The following SP140L variants were observed in gnomAD, a reference collection of about 807,000 sequenced individuals.
The protein encoded by SP140L is SP140 like nuclear body protein.
SP140L carries 64 observed loss-of-function variants against 84.3 expected under a neutral mutation model. The ratio of observed to expected loss-of-function variants is 0.76; its 90% confidence interval spans 0.62 to 0.94. The LOEUF is 0.94. SP140L is among the 40% of genes least tolerant of loss of function. The pLI, the probability that SP140L is intolerant of heterozygous loss-of-function variation, is 0.00. For synonymous variants in SP140L, 242 were observed against 236.9 expected, an observed-to-expected ratio of 1.02 and a Z score of -0.20; for missense variants, 628 against 692.5, an observed-to-expected ratio of 0.91 and a Z score of 1.05.
Position 230,363,240 on chromosome 2 carries a change from C to T in SP140L, c.523+1543C>T, listed in dbSNP as rs147038047. On this transcript the variant is annotated intron_variant, in intron 5 of 18. Coordinates refer to ENST00000415673, the MANE Select transcript of SP140L (RefSeq NM_138402.6). ...ATTTTTACTTTTTTTGAGGAAACTC[C>T]GTACTGTTTTCCATAATGGCTGTAC... Among the ~76,000 whole-genome samples the T allele has an allele frequency of 2.6e-4, 40 of 152,268 alleles. No individual in the cohort carries two copies. In the South Asian group the frequency reaches 4.1e-3, roughly 16 times the overall value.
intron 16 of SP140L, 64 bp downstream of exon 16, chr2:230,401,127 G>T (rs961787943): frequency 8.3e-6 from 6 of 720,426 alleles, no homozygotes; most frequent in East Asian, 5.5e-5. Context: ...ATGAACAAGC[G>T]CAAGGGCAGG....
Position 230,396,793 on chromosome 2 carries a change from C to G in SP140L, c.1192C>G (p.Pro398Ala), listed in dbSNP as rs966124963. ...GTCTCAAAACAATAGCTCAGTTGACCCTTGTGTAAGTATAAATTCTGAACT... is the reference window on the plus strand; with the variant it reads ...GTCTCAAAACAATAGCTCAGTTGACGCTTGTGTAAGTATAAATTCTGAACT... The part of the protein sequence containing the change: ...LKSQNNSSVD[P>A]CMRNLDECEV... The change falls in exon 14 of 19, where the codon CCT becomes GCT. Residue 398 changes from proline (P) to alanine (A), a missense_variant. Around this residue, in one of 4 missense-constraint regions of SP140L, gnomAD observed 525 missense variants for 518.4 expected, o/e 1.01. Transcript: ENST00000415673. 1 of 1,613,770 alleles carries G rather than the reference C, an allele frequency of 6.2e-7. No homozygotes were observed. The highest frequency in any genetic ancestry group is 8.5e-7 in the Non-Finnish European group (1 of 1,179,824).
chr2:230,400,312 C>A, intron 15 of SP140L, 70 bp downstream of exon 15: 1 of 1,468,956 alleles, frequency 6.8e-7, no homozygotes. Context: ...CACTCTCCAG[C>A]AGAATGTCTG....
intron 10 of SP140L, chr2:230,388,910 G>T (rs1446395946): frequency 3.4e-6 from 1 of 297,146 alleles, no homozygotes; most frequent in South Asian, 5.2e-5. Flanking sequence ...ATAGGCCATT[G>T]CTGTATAAAG....
At chr2:230,369,649 T>C (rs2060991820) in intron 5 of SP140L, among the ~76,000 whole-genome samples, 1 of 152,204 alleles carries the variant, frequency 6.6e-6, no homozygotes, top group South Asian at 2.1e-4. Context: ...TTGGCTGGCC[T>C]TCAGATGTGT....
chr2:230,363,512 T>C (rs2060783119), intron 5 of SP140L, among the ~76,000 whole-genome samples: 2 of 77,768 alleles, frequency 2.6e-5, no homozygotes, highest in Non-Finnish European at 4.6e-5. Context: ...AATCTGTTTA[T>C]TTGTTTTTGT....
Position 230,388,623 on chromosome 2 carries a change from C to G in SP140L, c.849C>G (p.Val283=), listed in dbSNP as rs61737998. ...TQSDRAPQKR[V]RSRASRKHKD... ...GTGACAGAGCTCCACAGAAAAGAGT[C>G]CGATCAAGAGGTAAAAAAGAAAAGA... The change falls in exon 10 of 19, where the codon GTC becomes GTG. Residue 283 remains valine (V), a synonymous_variant. Transcript: ENST00000415673. 6.2e-7 allele frequency: 1 copy of G among 1,607,964 alleles called. No individual in the cohort carries two copies. Among genetic ancestry groups the G allele is most frequent in the African/African-American group, 1.3e-5 (1 of 74,762 alleles).
In SP140L at chr2:230,360,552, T is replaced by A. The variant is rs543317774; in HGVS notation, c.440-1062T>A. Among the ~76,000 whole-genome samples the A allele has an allele frequency of 1.3e-3, 203 of 152,282 alleles. 3 individuals carry two copies. The highest frequency in any genetic ancestry group is 0.012 in the Admixed American group (182 of 15,296). On this transcript the variant is annotated intron_variant, in intron 4 of 18. Coordinates refer to ENST00000415673, the MANE Select transcript of SP140L (RefSeq NM_138402.6). ...CACAAATTTCGAGTCAATGTTATGT[T>A]TGTAAGCAGGATGGTCCAGGCTGCG...
intron 7 of SP140L, 43 bp downstream of exon 7, chr2:230,371,694 A>C: frequency 3.4e-6 from 5 of 1,473,912 alleles, no homozygotes; most frequent in Non-Finnish European, 4.7e-6. Context: ...TGTTACAAAT[A>C]CATTTTTAAT....
In SP140L at chr2:230,354,881, G is replaced by GTAAGAAAGAAAGAAAGAAAGAAAGA. The variant is rs2060484305; in HGVS notation, c.108-2924_108-2923insTAAGAAAGAAAGAAAGAAAGAAAGA. 4.8e-5 allele frequency among the ~76,000 whole-genome samples: 6 copies of GTAAGAAAGAAAGAAAGAAAGAAAGA among 125,614 alleles called. No individual in the cohort carries two copies. In the East Asian group the frequency reaches 1.4e-3, roughly 30 times the overall value. The allele number at this position is 125,614 out of a possible 152,430, so 82.4% of individuals were successfully genotyped here. ...AGAAAGAAAGAAAGAAAGAAAGAAA[G>GTAAGAAAGAAAGAAAGAAAGAAAGA]AAAGAAAGAAAGAAAGGAAAGAGAA... On this transcript the variant is annotated intron_variant, in intron 2 of 18. Coordinates refer to ENST00000415673, the MANE Select transcript of SP140L (RefSeq NM_138402.6).
intron 2 of SP140L, among the ~76,000 whole-genome samples, chr2:230,334,281 ATTC>A (rs2059805689): frequency 6.6e-6 from 1 of 152,180 alleles, no homozygotes; most frequent in African/African-American, 2.4e-5. Context: ...CAGGTATTTT[ATTC>A]TTTCATTCTG....
At chr2:230,371,356 TG>T (rs2061062832) in intron 6 of SP140L, among the ~76,000 whole-genome samples, 1 of 152,140 alleles carries the variant, frequency 6.6e-6, no homozygotes, top group Non-Finnish European at 1.5e-5. Flanking sequence ...TGGTATTAAT[TG>T]TCAGGGGGGA....
At chr2:230,378,473 A>T (rs542759396) in intron 7 of SP140L, among the ~76,000 whole-genome samples, 1 of 152,034 alleles carries the variant, frequency 6.6e-6, no homozygotes, top group East Asian at 1.9e-4. Flanking sequence ...TTTCTCCGGA[A>T]CTCCCCTCCT....
chr2:230,356,317 C>T (rs1415822279), intron 2 of SP140L, among the ~76,000 whole-genome samples: 1 of 152,144 alleles, frequency 6.6e-6, no homozygotes, highest in Non-Finnish European at 1.5e-5. Flanking sequence ...CAGTTTTATT[C>T]ATACTAGTCT....
chr2:230,357,400 T>C (rs910878882), intron 2 of SP140L, among the ~76,000 whole-genome samples: 1 of 152,230 alleles, frequency 6.6e-6, no homozygotes, highest in Admixed American at 6.5e-5. Flanking sequence ...TCTCAGTTGT[T>C]GATTAAGCTG....
chr2:230,389,573 C>T (rs530842004), intron 10 of SP140L, among the ~76,000 whole-genome samples: 1 of 152,264 alleles, frequency 6.6e-6, no homozygotes, highest in African/African-American at 2.4e-5. Flanking sequence ...TGCAGCAAAA[C>T]AGAATAGCTG....
At chr2:230,396,573 G>A (rs953428208) in intron 13 of SP140L, among the ~76,000 whole-genome samples, 184 bp from the exon 14 acceptor site, 2 of 152,218 alleles carry the variant, frequency 1.3e-5, no homozygotes, top group African/African-American at 4.8e-5. Context: ...TCAGGTTTCA[G>A]TTTGCTTACA....
intron 2 of SP140L, 115 bp downstream of exon 2, chr2:230,328,946 A>C (rs1559397262): frequency 1.4e-6 from 2 of 1,412,336 alleles, no homozygotes; most frequent in East Asian, 5.1e-5. Context: ...TTTTTTGTTT[A>C]TTTTTTGCCA....
intron 2 of SP140L, among the ~76,000 whole-genome samples, chr2:230,330,078 T>A (rs556332972): frequency 6.6e-6 from 1 of 152,336 alleles, no homozygotes; most frequent in East Asian, 1.9e-4. Context: ...TGCTGTGGCT[T>A]TACAACCCAT....
Sources: gnomAD v4.1 joint callset for allele counts (sites outside exome capture counted in the v4.1 genomes callset) on GRCh38, gnomAD v4.1.1 for gene constraint, gnomAD v4.1.1 regional missense constraint, MANE v1.5 for transcripts, NCBI Gene and HGNC (gene_info 2026-07-23, HGNC 2026-07-21) for gene names.